The following CPE variants were observed in gnomAD, a reference collection of about 807,000 sequenced individuals.
The protein encoded by CPE is carbocypeptidase E.
CPE carries 17 observed loss-of-function variants against 53.5 expected under a neutral mutation model. The ratio of observed to expected loss-of-function variants is 0.32; its 90% CI spans 0.22 to 0.48. CPE has a LOEUF of 0.48. CPE is among the 20% of genes least tolerant of loss of function. The probability of loss-of-function intolerance (pLI) is 0.99; values close to 1 mark genes in which losing one functional copy is unlikely to be tolerated. For missense variants in CPE, 524 were observed against 614.7 expected, an observed-to-expected ratio of 0.85 and a Z score of 1.56; for synonymous variants, 226 against 228.8, an observed-to-expected ratio of 0.99 and a Z score of 0.11.
chr4:165,395,788 A>G (rs1457997493), intron 1 of CPE, among the ~76,000 whole-genome samples: 1 of 152,240 alleles, frequency 6.6e-6, no homozygotes. Flanking sequence ...AGGCACATGC[A>G]TAACATGTAG....
intron 1 of CPE, among the ~76,000 whole-genome samples, chr4:165,439,907 G>C (rs1370337163): frequency 6.6e-6 from 1 of 152,142 alleles, no homozygotes; most frequent in Admixed American, 6.6e-5. Context: ...AGATCAGCTC[G>C]TGAGCCCATT....
intron 1 of CPE, among the ~76,000 whole-genome samples, chr4:165,392,002 G>A (rs922044893): frequency 6.6e-6 from 1 of 151,688 alleles, no homozygotes; most frequent in African/African-American, 2.4e-5. Context: ...CTGAATGTGT[G>A]ACATATAAGC....
chr4:165,485,909 T>C (rs1732497775), intron 5 of CPE, among the ~76,000 whole-genome samples: 1 of 152,128 alleles, frequency 6.6e-6, no homozygotes. Flanking sequence ...GGATTACTTT[T>C]TAGGACAAAC....
At chr4:165,404,646 G>C (rs369361305) in intron 1 of CPE, 7 of 1,104,030 alleles carry the variant, frequency 6.3e-6, no homozygotes, top group African/African-American at 1.5e-5. Context: ...AGGGAATCCA[G>C]CTTCTTTGGG....
chr4:165,437,270 G>A (rs1029508880), intron 1 of CPE, among the ~76,000 whole-genome samples: 13 of 152,196 alleles, frequency 8.5e-5, no homozygotes, highest in Admixed American at 2.6e-4. Context: ...AGAAAATCAT[G>A]ATGCCGTGCC....
intron 3 of CPE, among the ~76,000 whole-genome samples, chr4:165,479,543 A>G (rs1437025691): frequency 6.6e-6 from 1 of 152,238 alleles, no homozygotes; most frequent in South Asian, 2.1e-4. Context: ...GAAATGGAAA[A>G]GCAAAGAGAC....
intron 1 of CPE, among the ~76,000 whole-genome samples, chr4:165,384,311 T>G (rs1027256018): frequency 3.3e-5 from 5 of 152,192 alleles, no homozygotes; most frequent in Non-Finnish European, 5.9e-5. Flanking sequence ...CCAAGTTAGA[T>G]TCGTACTGTA....
In CPE at chr4:165,487,463, C is replaced by A. The variant is rs1732526650; in HGVS notation, c.999C>A (p.Ser333Arg). The A allele has an allele frequency of 6.2e-7, 1 of 1,613,968 alleles. No individual in the cohort carries two copies. The highest frequency in any genetic ancestry group is 8.5e-7 in the Non-Finnish European group (1 of 1,180,002). Residue 333 changes from serine to arginine, a missense_variant, in exon 6 of 9, where the codon AGC (serine) becomes AGA (arginine). Physicochemically the swap from Ser to Arg is moderately radical, Grantham distance 110 (BLOSUM62 -1). Transcript: ENST00000402744. The stretch of plus-strand genomic sequence containing the variant: ...GGATGCAAGACTTCAATTACCTTAG[C>A]AGCAACTGTTTTGAGATCACCGTGG... ...PGGMQDFNYL[S>R]SNCFEITVEL...
intron 6 of CPE, among the ~76,000 whole-genome samples, chr4:165,487,803 G>A (rs1348381425): frequency 6.6e-6 from 1 of 152,086 alleles, no homozygotes; most frequent in African/African-American, 2.4e-5. Context: ...ATACAGAAAA[G>A]ACGTAGACTC....
chr4:165,452,294 AAT>A (rs1331314086), intron 1 of CPE, among the ~76,000 whole-genome samples: 2 of 152,206 alleles, frequency 1.3e-5, no homozygotes, highest in Non-Finnish European at 2.9e-5. Context: ...GAAGAATTGC[AAT>A]GTTTCCAGCA....
At chr4:165,464,342 C>T in intron 1 of CPE, 48 bp from the exon 2 acceptor site, 2 of 1,434,380 alleles carry the variant, frequency 1.4e-6, no homozygotes, top group Non-Finnish European at 1.9e-6. Context: ...ATATATTTGG[C>T]TCTGTATGTC....
chr4:165,404,339 A>C, intron 1 of CPE: 1 of 772,052 alleles, frequency 1.3e-6, no homozygotes, highest in Non-Finnish European at 2.4e-6. Flanking sequence ...GCGGAACTGG[A>C]TGTCTTCATC....
At chr4:165,464,319 T>C (rs1732060498) in intron 1 of CPE, 71 bp from the exon 2 acceptor site, 2 of 1,209,338 alleles carry the variant, frequency 1.7e-6, no homozygotes, top group South Asian at 1.7e-5. Flanking sequence ...CATAATACAT[T>C]TGTAGGTATA....
chr4:165,457,300 A>G (rs558559544), intron 1 of CPE, among the ~76,000 whole-genome samples: 76 of 152,230 alleles, frequency 5.0e-4, no homozygotes, highest in Non-Finnish European at 1.0e-3. Flanking sequence ...GGAAATAGTC[A>G]ATGCTACAAA....
chr4:165,447,965 A>T (rs1731746181), intron 1 of CPE, among the ~76,000 whole-genome samples: 1 of 152,156 alleles, frequency 6.6e-6, no homozygotes, highest in Admixed American at 6.5e-5. Flanking sequence ...GGGGTTAATC[A>T]TTGACTAGAA....
At chr4:165,388,775 G>C (rs906243120) in intron 1 of CPE, among the ~76,000 whole-genome samples, 3 of 152,162 alleles carry the variant, frequency 2.0e-5, no homozygotes, top group Non-Finnish European at 4.4e-5. Flanking sequence ...TCCTTTTTGT[G>C]TTTTAGTTGC....
At position 165,379,552 on chromosome 4, in the gene CPE, C is replaced by G. The variant is rs1252852787; in HGVS notation, c.307+24C>G. ...TGGTAAGGGCGCTGCCCCCTGACAG[C>G]CCTGGGGGCATCCCGGAGGGGGGCG... On this transcript the variant is annotated intron_variant, in intron 1 of 8. Transcript: ENST00000402744. This position sits in a 1 kb window ranked among gnomAD's most constrained non-coding sequence, Gnocchi z 6.0. 1 of 1,507,810 alleles carries G rather than the reference C, an allele frequency of 6.6e-7. No individual in the cohort carries two copies. The highest frequency in any genetic ancestry group is 8.9e-7 in the Non-Finnish European group (1 of 1,119,328). 93.4% of individuals were successfully genotyped at this position (1,507,810 alleles called of 1,614,324 possible).
chr4:165,481,405 A>G lies in CPE; in HGVS notation c.673-837A>G, dbSNP rs375077607. ...ATAACCATCAAACCCTACTGATGCC[A>G]TTAGATTTTCTGTCCTAAAGAACAG... On this transcript the variant is annotated intron_variant, in intron 3 of 8. Coordinates refer to ENST00000402744, the MANE Select transcript of CPE (RefSeq NM_001873.4). 2.0e-5 allele frequency among the ~76,000 whole-genome samples: 3 copies of G among 152,314 alleles called. 1 individual carries two copies. In the Middle Eastern group the frequency reaches 0.01, roughly 518 times the overall value.
At chr4:165,385,756 G>A (rs1001700129) in intron 1 of CPE, among the ~76,000 whole-genome samples, 2 of 152,186 alleles carry the variant, frequency 1.3e-5, no homozygotes, top group African/African-American at 4.8e-5. Context: ...ATCAGTATTT[G>A]AGAATGTCTT....
Sources: allele counts gnomAD v4.1 joint callset (sites outside exome capture counted in the v4.1 genomes callset), GRCh38; gene constraint gnomAD v4.1.1; non-coding constraint Gnocchi (gnomAD v3.1); transcripts MANE v1.5; gene names NCBI Gene and HGNC (gene_info 2026-07-23, HGNC 2026-07-21).